OR2H1: variants seen among roughly 807,000 people sequenced by gnomAD.
The protein encoded by OR2H1 is olfactory receptor 2H1.
For synonymous variants in OR2H1, 155 were observed against 155.2 expected, an observed-to-expected ratio of 1.00 and a Z score of 0.01; for missense variants, 380 against 367.3, an observed-to-expected ratio of 1.03 and a Z score of -0.28.
intron 2 of OR2H1, among the ~76,000 whole-genome samples, chr6:29,459,569 G>A (rs1398416845): frequency 1.3e-5 from 2 of 152,204 alleles, no homozygotes; most frequent in African/African-American, 4.8e-5. Flanking sequence ...ACACCAGACA[G>A]GGTCCTGTGA....
Position 29,460,777 on chromosome 6 carries a change from G to T in OR2H1, c.-276+323G>T, listed in dbSNP as rs1044185200. 1.3e-4 allele frequency: 20 copies of T among 151,960 alleles called. No homozygotes were observed. The South Asian group carries it at 2.3e-3, about 18-fold the overall frequency. The allele number at this position is 151,960 out of a possible 1,614,324, so 9.4% of individuals were successfully genotyped here. Reference sequence around the variant, plus strand: ...AATTACTCTTAAAATTTGGGGGTATGAATTTTTATAAAAATAATGTTTTAA... The same window carrying T: ...AATTACTCTTAAAATTTGGGGGTATTAATTTTTATAAAAATAATGTTTTAA... On this transcript the variant is annotated intron_variant, in intron 3 of 3. Coordinates refer to ENST00000377133, the MANE Select transcript of OR2H1 (RefSeq NM_030883.5).
chr6:29,457,757 G>A (rs894911910), intron 1 of OR2H1, among the ~76,000 whole-genome samples: 1 of 152,232 alleles, frequency 6.6e-6, no homozygotes, highest in Non-Finnish European at 1.5e-5. Flanking sequence ...CGAGGCTTGA[G>A]AGGAAGGCTG....
In OR2H1 at chr6:29,462,528, C is replaced by T. The variant is rs538322163; in HGVS notation, c.759C>T (p.Val253=). ...LTVVTLFYSS[V]IAVYLQPKNP... ...TGGTCACCCTCTTCTACAGCTCAGTCATTGCTGTCTACCTCCAGCCCAAAA... is the reference window on the plus strand; with the variant it reads ...TGGTCACCCTCTTCTACAGCTCAGTTATTGCTGTCTACCTCCAGCCCAAAA... The change falls in exon 4 of 4, where the codon GTC becomes GTT. Residue 253 remains valine (V), a synonymous_variant. Coordinates refer to ENST00000377133, the MANE Select transcript of OR2H1 (RefSeq NM_030883.5). 7 of 1,613,018 alleles carry T rather than the reference C, an allele frequency of 4.3e-6. No individual in the cohort carries two copies. Among genetic ancestry groups the T allele is most frequent in the African/African-American group, 4.0e-5 (3 of 75,048 alleles).
intron 2 of OR2H1, 42 bp from the exon 3 acceptor site, chr6:29,460,362 C>T (rs1017863412): frequency 1.3e-5 from 2 of 148,370 alleles, no homozygotes; most frequent in Non-Finnish European, 2.9e-5. Flanking sequence ...CCCACCACCA[C>T]ACCCCGCTAA....
At position 29,461,688 on chromosome 6, in the gene OR2H1, A is replaced by T; in HGVS notation, c.-82A>T. ...ACCTACCTGCTGTGACCTCACAAAC[A>T]CCCAGGCTGAGTTTTGATAAGACAG... is the stretch of plus-strand genomic sequence containing the variant. On this transcript the variant is annotated 5_prime_UTR_variant, in exon 4 of 4. Transcript: ENST00000377133. 5 of 1,102,794 alleles carry T rather than the reference A, an allele frequency of 4.5e-6. No homozygotes were observed. Among genetic ancestry groups the T allele is most frequent in the Non-Finnish European group, 5.4e-6 (4 of 745,556 alleles). The allele number at this position is 1,102,794 out of a possible 1,614,324, so 68.3% of individuals were successfully genotyped here.
Position 29,462,581 on chromosome 6 carries a change from T to C in OR2H1, c.812T>C (p.Phe271Ser), listed in dbSNP as rs1192131376. ...CCGTATGCCCAAGGGAGGGGCAAGT[T>C]CTTTGGTCTCTTCTATGCAGTGGGC... ...KNPYAQGRGK[F>S]FGLFYAVGTP... The change falls in exon 4 of 4, where the codon TTC (phenylalanine) becomes TCC (serine). Residue 271 changes from phenylalanine (F) to serine (S), a missense_variant. Phe to Ser is a radical substitution (Grantham distance 155). Transcript: ENST00000377133. 2 of 1,610,038 alleles carry C rather than the reference T, an allele frequency of 1.2e-6. No individual in the cohort carries two copies. The highest frequency in any genetic ancestry group is 1.7e-6 in the Non-Finnish European group (2 of 1,179,970).
In OR2H1 at chr6:29,461,999, C is replaced by G. The variant is rs745970161; in HGVS notation, c.230C>G (p.Pro77Arg). 1.1e-5 allele frequency: 17 copies of G among 1,613,244 alleles called. No individual in the cohort carries two copies. Among genetic ancestry groups the G allele is most frequent in the Non-Finnish European group, 1.3e-5 (15 of 1,180,016 alleles). ...CTCTGCTTTACCACAAGTTGTGTCC[C>G]CCAGATGCTGGTCAACCTCTGGGGC... The part of the protein sequence containing the change: ...LDLCFTTSCV[P>R]QMLVNLWGPK... The change falls in exon 4 of 4, where the codon CCC becomes CGC. Residue 77 changes from proline (P) to arginine (R), a missense_variant. Pro to Arg is a moderately radical substitution (Grantham distance 103). Coordinates refer to ENST00000377133, the MANE Select transcript of OR2H1 (RefSeq NM_030883.5).
Position 29,463,013 on chromosome 6 carries a change from T to G in OR2H1, c.*293T>G. On this transcript the variant is annotated 3_prime_UTR_variant, in exon 4 of 4. Transcript: ENST00000377133. ...TTTTTACTGTCATCACTTCTATAGA[T>G]TTCCTAACTCCACCATGCCTATTTC... is the stretch of plus-strand genomic sequence containing the variant. 1 of 432,574 alleles carries G rather than the reference T, an allele frequency of 2.3e-6. No homozygotes were observed. Among genetic ancestry groups the G allele is most frequent in the Non-Finnish European group, 4.2e-6 (1 of 235,414 alleles). 26.8% of individuals were successfully genotyped at this position (432,574 alleles called of 1,614,324 possible).
Position 29,462,814 on chromosome 6 carries a change from T to C in OR2H1, c.*94T>C. On this transcript the variant is annotated 3_prime_UTR_variant, in exon 4 of 4. Coordinates refer to ENST00000377133, the MANE Select transcript of OR2H1 (RefSeq NM_030883.5). The stretch of plus-strand genomic sequence containing the variant: ...CTTCCCACATACACCTGAGCCACTG[T>C]GGTGGGTCACAGTGTGGCTATGTTA... 1 of 849,778 alleles carries C rather than the reference T, an allele frequency of 1.2e-6. No individual in the cohort carries two copies. The highest frequency in any genetic ancestry group is 1.8e-6 in the Non-Finnish European group (1 of 543,522). 52.6% of individuals were successfully genotyped at this position (849,778 alleles called of 1,614,324 possible).
In OR2H1 at chr6:29,461,865, C is replaced by T. The variant is rs61752584; in HGVS notation, c.96C>T (p.Ser32=). 4,311 of 1,613,070 alleles carry T rather than the reference C, an allele frequency of 2.7e-3. 49 individuals are homozygous for T. The highest frequency in any genetic ancestry group is 0.026 in the African/African-American group (1,914 of 75,028). The change falls in exon 4 of 4, where the codon TCC becomes TCT. Residue 32 remains serine, a synonymous_variant. Coordinates refer to ENST00000377133, the MANE Select transcript of OR2H1 (RefSeq NM_030883.5). ...ERTLFVVVFT[S]YLLTLVGNTL... is the part of the protein sequence containing the mutation. Reference sequence around the variant, plus strand: ...CTCTCTTTGTGGTTGTCTTCACTTCCTACCTCTTGACCCTGGTGGGCAACA... The same window carrying T: ...CTCTCTTTGTGGTTGTCTTCACTTCTTACCTCTTGACCCTGGTGGGCAACA...
In OR2H1 at chr6:29,463,014, T is replaced by G; in HGVS notation, c.*294T>G. On this transcript the variant is annotated 3_prime_UTR_variant, in exon 4 of 4. Coordinates refer to ENST00000377133, the MANE Select transcript of OR2H1 (RefSeq NM_030883.5). Reference sequence around the variant, plus strand: ...TTTTACTGTCATCACTTCTATAGATTTCCTAACTCCACCATGCCTATTTCT... The same window carrying G: ...TTTTACTGTCATCACTTCTATAGATGTCCTAACTCCACCATGCCTATTTCT... 2 of 430,846 alleles carry G rather than the reference T, an allele frequency of 4.6e-6. No individual in the cohort carries two copies. The highest frequency in any genetic ancestry group is 4.0e-5 in the Admixed American group (1 of 25,058). 26.7% of individuals were successfully genotyped at this position (430,846 alleles called of 1,614,324 possible). A position where few individuals can be genotyped will look rare whatever the true frequency, so the allele number is the denominator to read the frequency against.
At chr6:29,458,023 T>TC (rs1786660113) in intron 1 of OR2H1, among the ~76,000 whole-genome samples, 1 of 152,184 alleles carries the variant, frequency 6.6e-6, no homozygotes, top group Non-Finnish European at 1.5e-5. Context: ...TTGGGATTCC[T>TC]CCCCCCATCA....
Position 29,462,632 on chromosome 6 carries a change from A to G in OR2H1, c.863A>G (p.Tyr288Cys). ...ACTCCTTCACTTAACCCTCTCGTAT[A>G]CACCCTGAGGAACAAGGAGATAAAG... The part of the protein sequence containing the change: ...VGTPSLNPLV[Y>C]TLRNKEIKRA... The change falls in exon 4 of 4, where the codon TAC (tyrosine) becomes TGC (cysteine). Residue 288 changes from tyrosine (Y) to cysteine (C), a missense_variant. Transcript: ENST00000377133. 1.2e-6 allele frequency: 2 copies of G among 1,613,044 alleles called. No homozygotes were observed. The highest frequency in any genetic ancestry group is 2.2e-5 in the South Asian group (2 of 91,082).
intron 1 of OR2H1, among the ~76,000 whole-genome samples, chr6:29,457,575 G>A (rs974139082): frequency 9.2e-5 from 14 of 152,188 alleles, no homozygotes; most frequent in African/African-American, 3.1e-4. Flanking sequence ...TTTCTGGAGT[G>A]ATGGAAATGT....
At position 29,461,493 on chromosome 6, in the gene OR2H1, A is replaced by G. The variant is rs1787239470; in HGVS notation, c.-275-2A>G. The G allele has an allele frequency of 6.7e-6, 3 of 446,266 alleles. No individual in the cohort carries two copies. The highest frequency in any genetic ancestry group is 3.9e-5 in the African/African-American group (2 of 50,828). 27.6% of individuals were successfully genotyped at this position (446,266 alleles called of 1,614,324 possible). A position where few individuals can be genotyped will look rare whatever the true frequency, so the allele number is the denominator to read the frequency against. ...ACATCAGCTTTCTTTGCCCTCAACC[A>G]GGAAGTCAGAGGCACCAATGTGAGG... On this transcript the variant is annotated splice_acceptor_variant, in intron 3 of 3. Transcript: ENST00000377133. LOFTEE classifies it low-confidence loss of function (5UTR_SPLICE).
Position 29,463,241 on chromosome 6 carries a change from C to T in OR2H1, c.*521C>T, listed in dbSNP as rs1787539004. On this transcript the variant is annotated 3_prime_UTR_variant, in exon 4 of 4. Coordinates refer to ENST00000377133, the MANE Select transcript of OR2H1 (RefSeq NM_030883.5). ...CCTTTAGAACCTGCCTCAATGCCAT[C>T]TCTCACTCTCCTTCTTATATCCCTG... is the stretch of plus-strand genomic sequence containing the variant. The T allele has an allele frequency of 5.7e-6, 1 of 174,078 alleles. No individual in the cohort carries two copies. Among genetic ancestry groups the T allele is most frequent in the South Asian group, 1.8e-4 (1 of 5,496 alleles). 10.8% of individuals were successfully genotyped at this position (174,078 alleles called of 1,614,324 possible).
At chr6:29,457,725 G>A (rs906160425) in intron 1 of OR2H1, among the ~76,000 whole-genome samples, 9 of 152,140 alleles carry the variant, frequency 5.9e-5, no homozygotes, top group Non-Finnish European at 1.3e-4. Flanking sequence ...ACCAAAGTCA[G>A]GGGGGATTGA....
At chr6:29,459,136 G>A (rs1250842948) in intron 2 of OR2H1, among the ~76,000 whole-genome samples, 1 of 152,208 alleles carries the variant, frequency 6.6e-6, no homozygotes, top group African/African-American at 2.4e-5. Context: ...GTTGCCAAGA[G>A]AGTAAGAATG....
In OR2H1 at chr6:29,462,000, C is replaced by G; in HGVS notation, c.231C>G (p.Pro77=). Residue 77 remains proline, a synonymous_variant, in exon 4 of 4, where the codon CCC becomes CCG. Coordinates refer to ENST00000377133, the MANE Select transcript of OR2H1 (RefSeq NM_030883.5). ...TCTGCTTTACCACAAGTTGTGTCCC[C>G]CAGATGCTGGTCAACCTCTGGGGCC... The part of the protein sequence containing the change: ...LDLCFTTSCV[P]QMLVNLWGPK... 6.2e-7 allele frequency: 1 copy of G among 1,613,284 alleles called. No homozygotes were observed. Among genetic ancestry groups the G allele is most frequent in the Non-Finnish European group, 8.5e-7 (1 of 1,180,020 alleles).
Sources: allele counts gnomAD v4.1 joint callset (sites outside exome capture counted in the v4.1 genomes callset), GRCh38; gene constraint gnomAD v4.1.1; transcripts MANE v1.5; gene names NCBI Gene and HGNC (gene_info 2026-07-23, HGNC 2026-07-21).